Variants in IQSEC1 observed in about 807,000 individuals in gnomAD.
The protein encoded by IQSEC1 is IQ motif and Sec7 domain ArfGEF 1.
IQSEC1 carries 31 observed loss-of-function variants against 91.0 expected under a neutral mutation model. The ratio of observed to expected loss-of-function variants is 0.34; its 90% confidence interval spans 0.26 to 0.46. The LOEUF (loss-of-function observed/expected upper bound fraction) is 0.46, where lower values mean the gene tolerates loss of function less well. IQSEC1 is among the 20% of genes least tolerant of loss of function. IQSEC1 has a pLI of 1.00. For synonymous variants in IQSEC1, 699 were observed against 662.6 expected (o/e 1.05, Z -0.84); for missense variants, 1,388 against 1,575.6 (o/e 0.88, Z 2.02).
At chr3:13,022,409 A>C (rs1186927253) in intron 1 of IQSEC1, 6 of 1,086,500 alleles carry the variant, frequency 5.5e-6, no homozygotes, top group Middle Eastern at 4.0e-4. Flanking sequence ...TGGCTTCTGC[A>C]CAACCTTGCG....
chr3:13,254,606 C>T (rs1391163322), intron 1 of IQSEC1, among the ~76,000 whole-genome samples: 9 of 152,254 alleles, frequency 5.9e-5, no homozygotes, highest in Non-Finnish European at 1.3e-4. Flanking sequence ...CGGTGACAGG[C>T]TTTGGCATTT....
At chr3:12,961,396 T>C (rs1378513286) in intron 1 of IQSEC1, among the ~76,000 whole-genome samples, 1 of 152,234 alleles carries the variant, frequency 6.6e-6, no homozygotes, top group Non-Finnish European at 1.5e-5. Flanking sequence ...ACTTTGCAAT[T>C]TCCCCAATCC....
chr3:13,225,237 C>T (rs1326492159), intron 1 of IQSEC1, among the ~76,000 whole-genome samples: 1 of 152,230 alleles, frequency 6.6e-6, no homozygotes, highest in South Asian at 2.1e-4. Flanking sequence ...TGTCCCCTAA[C>T]CAAGTGGACT....
At chr3:13,000,381 C>T (rs768161854) in intron 1 of IQSEC1, among the ~76,000 whole-genome samples, 8 of 152,124 alleles carry the variant, frequency 5.3e-5, no homozygotes, top group Non-Finnish European at 1.0e-4. Flanking sequence ...AAAATGTCAC[C>T]TCCTCTAGAC....
intron 1 of IQSEC1, among the ~76,000 whole-genome samples, chr3:13,019,763 A>G (rs1344782308): frequency 2.6e-5 from 4 of 152,022 alleles, no homozygotes; most frequent in Non-Finnish European, 4.4e-5. Context: ...CACCCACCCC[A>G]CCACTCTCCT....
At chr3:13,083,361 G>A (rs1243176792) in intron 2 of IQSEC1, among the ~76,000 whole-genome samples, 1 of 152,226 alleles carries the variant, frequency 6.6e-6, no homozygotes, top group African/African-American at 2.4e-5. Context: ...AGGCAGTGTG[G>A]CAGCAGATAA....
At chr3:12,995,204 G>T (rs1309038918) in intron 1 of IQSEC1, 1 of 152,284 alleles carries the variant, frequency 6.6e-6, no homozygotes, top group Non-Finnish European at 1.5e-5. Context: ...CCCAGCCAGA[G>T]AAGCTGAGCG....
intron 2 of IQSEC1, among the ~76,000 whole-genome samples, chr3:13,136,923 T>C (rs358384): frequency 0.4 from 60,219 of 152,028 alleles, 12,227 homozygotes; most frequent in South Asian, 0.63. Context: ...GAACACTTGG[T>C]GCCAGGAGTT....
intron 2 of IQSEC1, among the ~76,000 whole-genome samples, chr3:13,118,653 G>A (rs1240243838): frequency 6.6e-6 from 1 of 152,226 alleles, no homozygotes; most frequent in Non-Finnish European, 1.5e-5. Context: ...AAAGGCTGGG[G>A]AGGAGGGAAT....
intron 1 of IQSEC1, among the ~76,000 whole-genome samples, chr3:13,261,614 A>C: frequency 6.6e-6 from 1 of 150,614 alleles, no homozygotes; most frequent in African/African-American, 2.4e-5. Flanking sequence ...CCGTCATCAC[A>C]TGTGCTGCAA....
At chr3:12,931,698 G>A (rs1411567154) in intron 3 of IQSEC1, among the ~76,000 whole-genome samples, 1 of 152,220 alleles carries the variant, frequency 6.6e-6, no homozygotes, top group Non-Finnish European at 1.5e-5. Flanking sequence ...CACGCTCCCT[G>A]CAGGATCCCA....
intron 1 of IQSEC1, among the ~76,000 whole-genome samples, chr3:12,944,889 G>A (rs1242330213): frequency 1.3e-5 from 2 of 152,168 alleles, no homozygotes; most frequent in Admixed American, 1.3e-4. Flanking sequence ...TGCTGCCCCC[G>A]ACCCAGGATG....
chr3:13,081,098 C>T (rs140166301), intron 2 of IQSEC1, among the ~76,000 whole-genome samples: 98 of 152,040 alleles, frequency 6.4e-4, no homozygotes, highest in African/African-American at 2.2e-3. Context: ...TTGATGACTG[C>T]GTAAAAAAAA....
chr3:13,123,164 G>A (rs1006634456), intron 2 of IQSEC1, among the ~76,000 whole-genome samples: 68 of 152,248 alleles, frequency 4.5e-4, no homozygotes, highest in Non-Finnish European at 4.4e-5. Context: ...CTTTGCACCG[G>A]TTGGTTTTGA....
intron 1 of IQSEC1, among the ~76,000 whole-genome samples, chr3:13,176,017 G>A (rs920238047): frequency 6.6e-6 from 1 of 152,214 alleles, no homozygotes; most frequent in African/African-American, 2.4e-5. Context: ...ACGTGACAAT[G>A]GGCGATTTCT....
chr3:12,901,569 C>A, intron 13 of IQSEC1, 47 bp from the exon 14 acceptor site: 2 of 1,448,498 alleles, frequency 1.4e-6, no homozygotes, highest in South Asian at 1.3e-5. Flanking sequence ...TCTTCAAGCA[C>A]TTAGGTCAGA....
chr3:13,065,275 T>C (rs1292731010), intron 1 of IQSEC1, among the ~76,000 whole-genome samples: 1 of 152,178 alleles, frequency 6.6e-6, no homozygotes, highest in Non-Finnish European at 1.5e-5. Context: ...ACTTCAATGA[T>C]GAAGCACACA....
At chr3:13,051,822 G>A (rs1461191789) in intron 1 of IQSEC1, among the ~76,000 whole-genome samples, 1 of 152,082 alleles carries the variant, frequency 6.6e-6, no homozygotes, top group East Asian at 1.9e-4. Flanking sequence ...TATCCTGGTT[G>A]TAGGGTAAAC....
At chr3:12,996,145 A>G (rs1228503323) in intron 1 of IQSEC1, among the ~76,000 whole-genome samples, 1 of 152,158 alleles carries the variant, frequency 6.6e-6, no homozygotes, top group Non-Finnish European at 1.5e-5. Flanking sequence ...TGGGCAACAG[A>G]GCAAGACTTT....
Sources: gnomAD v4.1 joint callset for allele counts (sites outside exome capture counted in the v4.1 genomes callset) on GRCh38, gnomAD v4.1.1 for gene constraint, MANE v1.5 for transcripts, NCBI Gene and HGNC (gene_info 2026-07-23, HGNC 2026-07-21) for gene names.